The following UBR1 variants were observed in gnomAD, a reference collection of about 807,000 sequenced individuals.
UBR1 encodes the protein ubiquitin protein ligase E3 component n-recognin 1.
A neutral mutation model predicts 242.1 loss-of-function variants in UBR1; 102 were observed. That is an observed-to-expected ratio of 0.42 (90% CI 0.36 to 0.50). The LOEUF is 0.50. Among genes scored for constraint, UBR1 ranks in the 20% least tolerant of loss-of-function variants. UBR1 has a pLI of 0.01. For missense variants in UBR1, 1,772 were observed against 2,101.8 expected (o/e 0.84, Z 3.07); for synonymous variants, 675 against 684.8 (o/e 0.99, Z 0.22).
chr15:43,073,567 C>G (rs914363217), intron 4 of UBR1, among the ~76,000 whole-genome samples: 2 of 152,108 alleles, frequency 1.3e-5, no homozygotes, highest in South Asian at 4.1e-4. Flanking sequence ...TTCCCTTTAC[C>G]AATTTTAATA....
chr15:42,952,607 C>G (rs2031853101), intron 44 of UBR1, among the ~76,000 whole-genome samples, 159 bp from the exon 45 acceptor site: 1 of 152,236 alleles, frequency 6.6e-6, no homozygotes, highest in Admixed American at 6.5e-5. Context: ...GCCAATTCCT[C>G]TTTAATATGC....
intron 29 of UBR1, chr15:43,011,943 T>C (rs952531632): frequency 1.3e-5 from 6 of 452,944 alleles, no homozygotes; most frequent in Admixed American, 4.7e-5. Context: ...ATCTACATTA[T>C]AGGCCGGGCA....
At chr15:42,971,085 G>C (rs1242023150) in intron 39 of UBR1, among the ~76,000 whole-genome samples, 2 of 152,134 alleles carry the variant, frequency 1.3e-5, no homozygotes, top group African/African-American at 2.4e-5. Flanking sequence ...CTATATATTA[G>C]CTGGAGAAAC....
At chr15:42,957,785 A>G (rs1462008391) in intron 44 of UBR1, among the ~76,000 whole-genome samples, 1 of 151,980 alleles carries the variant, frequency 6.6e-6, no homozygotes, top group Non-Finnish European at 1.5e-5. Context: ...TGAGATGGGA[A>G]GAGCCCAGGA....
At chr15:43,086,801 G>A (rs900689272) in intron 1 of UBR1, among the ~76,000 whole-genome samples, 1 of 152,178 alleles carries the variant, frequency 6.6e-6, no homozygotes, top group Non-Finnish European at 1.5e-5. Context: ...ATGACAATGA[G>A]ATACCCCTGT....
At chr15:43,096,452 G>A (rs182350919) in intron 1 of UBR1, among the ~76,000 whole-genome samples, 4 of 152,114 alleles carry the variant, frequency 2.6e-5, no homozygotes, top group Non-Finnish European at 4.4e-5. Flanking sequence ...GTGAGCCAAC[G>A]CGCCCGGCCA....
chr15:43,094,216 G>T (rs953584886), intron 1 of UBR1, among the ~76,000 whole-genome samples: 8 of 152,084 alleles, frequency 5.3e-5, no homozygotes, highest in Non-Finnish European at 8.8e-5. Context: ...GATTACTTGA[G>T]GTCAGGAGTT....
intron 22 of UBR1, among the ~76,000 whole-genome samples, chr15:43,026,915 C>T (rs2033185695): frequency 6.6e-6 from 1 of 152,064 alleles, no homozygotes; most frequent in African/African-American, 2.4e-5. Flanking sequence ...TTTATACTAT[C>T]TAGAACTGAT....
At chr15:43,099,866 C>T (rs2034207391) in intron 1 of UBR1, among the ~76,000 whole-genome samples, 1 of 151,304 alleles carries the variant, frequency 6.6e-6, no homozygotes, top group African/African-American at 2.4e-5. Flanking sequence ...TATAGGAACA[C>T]ACAAGAGGTG....
intron 38 of UBR1, 88 bp from the exon 39 acceptor site, chr15:42,976,955 G>T: frequency 7.2e-7 from 1 of 1,387,984 alleles, no homozygotes; most frequent in Non-Finnish European, 1.0e-6. Context: ...GGCAGCAGAT[G>T]CTACACAGTG....
At chr15:42,988,675 G>A (rs2032511582) in intron 35 of UBR1, 144 bp downstream of exon 35, 1 of 1,101,466 alleles carries the variant, frequency 9.1e-7, no homozygotes, top group Non-Finnish European at 1.4e-6. Context: ...CAAATGGCAT[G>A]AGCCACACTA....
chr15:43,068,089 T>TAAAAAAAAAAAAAAAAAAAAAAAAAAATA, intron 5 of UBR1, 53 bp from the exon 6 acceptor site: 1 of 787,320 alleles, frequency 1.3e-6, no homozygotes, highest in East Asian at 3.9e-5. Context: ...AAAGGAAAAG[T>TAAAAAAAAAAAAAAAAAAAAAAAAAAATA]AAAAAAAAAA....
At chr15:43,046,309 C>T (rs1292371890) in intron 14 of UBR1, among the ~76,000 whole-genome samples, 1 of 152,154 alleles carries the variant, frequency 6.6e-6, no homozygotes, top group Non-Finnish European at 1.5e-5. Flanking sequence ...CCACTCTGAA[C>T]CTATGACCAA....
chr15:43,015,872 G>A lies in UBR1; in HGVS notation c.3028-3C>T. On this transcript the variant is annotated splice_polypyrimidine_tract_variant and splice_region_variant and intron_variant, in intron 28 of 46. Coordinates refer to ENST00000290650, the MANE Select transcript of UBR1 (RefSeq NM_174916.3). ...GCTTTTTCTTTATCATGAGTAATCT[G>A]GGTATTAAGAAATGACAAATTTAGG... is the stretch of plus-strand genomic sequence containing the variant. The A allele has an allele frequency of 6.8e-6, 11 of 1,613,360 alleles. 1 individual carries two copies. Among genetic ancestry groups the A allele is most frequent in the Non-Finnish European group, 8.5e-6 (10 of 1,179,768 alleles).
intron 29 of UBR1, among the ~76,000 whole-genome samples, chr15:43,013,868 T>C (rs1273232858): frequency 2.0e-5 from 3 of 148,810 alleles, no homozygotes; most frequent in African/African-American, 7.3e-5. Flanking sequence ...CCTCCTCCCC[T>C]TCCCCCTCCC....
intron 39 of UBR1, among the ~76,000 whole-genome samples, chr15:42,975,745 G>A (rs1456791629): frequency 6.6e-6 from 1 of 151,598 alleles, no homozygotes; most frequent in African/African-American, 2.4e-5. Flanking sequence ...CCAGGCTGGA[G>A]TGCCATGGCG....
At chr15:42,978,018 A>G in intron 37 of UBR1, 71 bp from the exon 38 acceptor site, 1 of 1,205,384 alleles carries the variant, frequency 8.3e-7, no homozygotes, top group Non-Finnish European at 1.2e-6. Context: ...ATGCAAGCTA[A>G]AAACACCTAA....
intron 37 of UBR1, among the ~76,000 whole-genome samples, chr15:42,980,840 G>A (rs1236132115): frequency 6.6e-6 from 1 of 152,118 alleles, no homozygotes; most frequent in Non-Finnish European, 1.5e-5. Flanking sequence ...GAGCTCAAAT[G>A]ATCTGCTCAC....
At chr15:43,032,538 C>T in intron 20 of UBR1, 30 bp downstream of exon 20, 2 of 1,455,682 alleles carry the variant, frequency 1.4e-6, no homozygotes, top group African/African-American at 1.4e-5. Flanking sequence ...AACCCATGTT[C>T]TATTTCAAAA....
Sources: gnomAD v4.1 joint callset for allele counts (sites outside exome capture counted in the v4.1 genomes callset) on GRCh38, gnomAD v4.1.1 for gene constraint, MANE v1.5 for transcripts, NCBI Gene and HGNC (gene_info 2026-07-23, HGNC 2026-07-21) for gene names.